Variants in FRYL observed in about 807,000 individuals in gnomAD.
FRYL encodes protein furry homolog-like.
FRYL carries 150 observed loss-of-function variants against 351.2 expected under a neutral mutation model. That is an observed-to-expected ratio of 0.43 (90% CI 0.37 to 0.49). The LOEUF is 0.49. Among genes scored for constraint, FRYL ranks in the 20% least tolerant of loss-of-function variants. FRYL has a pLI of 0.00. For synonymous variants in FRYL, 1,153 were observed against 1,257.1 expected (o/e 0.92, Z 1.75); for missense variants, 3,036 against 3,619.3 (o/e 0.84, Z 4.13).
At chr4:48,542,186 C>T (rs1730330341) in intron 44 of FRYL, 65 bp from the exon 45 acceptor site, 2 of 1,064,746 alleles carry the variant, frequency 1.9e-6, no homozygotes, top group South Asian at 2.6e-5. Flanking sequence ...AATGGACTTC[C>T]TAATGGGATT....
At chr4:48,759,978 G>A (rs1774232968) in intron 1 of FRYL, among the ~76,000 whole-genome samples, 1 of 152,182 alleles carries the variant, frequency 6.6e-6, no homozygotes. Context: ...CAAGCACTAT[G>A]TTATGTGCAT....
In FRYL at chr4:48,608,041, ATAT is replaced by A. The variant is rs540494989; in HGVS notation, c.572+943_572+945del. 1.3e-4 allele frequency among the ~76,000 whole-genome samples: 20 copies of A among 152,338 alleles called. No individual in the cohort carries two copies. The South Asian group carries it at 3.7e-3, about 28-fold the overall frequency. On this transcript the variant is annotated intron_variant, in intron 9 of 63. Transcript: ENST00000358350. ...ATTTAATTCCATGCGAGATATTAAG[ATAT>A]TATTGTTGATGTCTAAATCATTTAA...
chr4:48,671,882 A>AAAAAAAAAAAAAAAAC (rs1762812928), intron 3 of FRYL, among the ~76,000 whole-genome samples: 1 of 148,094 alleles, frequency 6.8e-6, no homozygotes, highest in African/African-American at 2.5e-5. Flanking sequence ...ACAAAAAAAA[A>AAAAAAAAAAAAAAAAC]AAAAAAAAAG....
At chr4:48,731,691 C>A (rs1770743852) in intron 1 of FRYL, among the ~76,000 whole-genome samples, 1 of 152,138 alleles carries the variant, frequency 6.6e-6, no homozygotes, top group Non-Finnish European at 1.5e-5. Context: ...GGAAAAGATT[C>A]CCTATTTAAT....
chr4:48,729,308 C>T (rs1770463891), intron 1 of FRYL, among the ~76,000 whole-genome samples: 1 of 152,234 alleles, frequency 6.6e-6, no homozygotes, highest in Admixed American at 6.5e-5. Context: ...TGGGGACAGG[C>T]CACGTCTGAA....
At chr4:48,757,927 T>C (rs1266950119) in intron 1 of FRYL, among the ~76,000 whole-genome samples, 2 of 152,072 alleles carry the variant, frequency 1.3e-5, no homozygotes, top group African/African-American at 2.4e-5. Context: ...TTAGAAATAA[T>C]ACCATGCATC....
chr4:48,516,721 C>T (rs191584814), intron 55 of FRYL, among the ~76,000 whole-genome samples: 7 of 152,168 alleles, frequency 4.6e-5, no homozygotes, highest in Non-Finnish European at 8.8e-5. Flanking sequence ...TAATTCCTAA[C>T]TGCAAATAGT....
chr4:48,756,864 C>T (rs187370353), intron 1 of FRYL, among the ~76,000 whole-genome samples: 6 of 152,286 alleles, frequency 3.9e-5, no homozygotes, highest in Non-Finnish European at 8.8e-5. Context: ...GGGAGGACTG[C>T]TCAAGCCCAG....
chr4:48,731,745 A>C lies in FRYL; in HGVS notation c.-383-21047T>G, dbSNP rs1770751326. ...TGGCTAGCCATATGCAGAAAACTGA[A>C]ACTGGGCCCCTTCCTTATACCTTAT... On this transcript the variant is annotated intron_variant, in intron 1 of 63. Transcript: ENST00000358350. 3.3e-5 allele frequency among the ~76,000 whole-genome samples: 5 copies of C among 152,306 alleles called. No homozygotes were observed. In the South Asian group the frequency reaches 1.0e-3, roughly 32 times the overall value.
intron 26 of FRYL, among the ~76,000 whole-genome samples, chr4:48,571,324 C>CA (rs1331560515): frequency 6.6e-6 from 1 of 152,110 alleles, no homozygotes; most frequent in African/African-American, 2.4e-5. Context: ...TTGCTCATGC[C>CA]ACAGTTTTCT....
chr4:48,664,957 T>C (rs1303174393), intron 3 of FRYL, among the ~76,000 whole-genome samples: 1 of 152,228 alleles, frequency 6.6e-6, no homozygotes, highest in Non-Finnish European at 1.5e-5. Context: ...TTTAGAAGTA[T>C]AAATCAAGTT....
At position 48,582,548 on chromosome 4, in the gene FRYL, T is replaced by C. The variant is rs201229868; in HGVS notation, c.1935A>G (p.Ile645Met). The C allele has an allele frequency of 6.7e-5, 108 of 1,614,122 alleles. 1 individual carries two copies. The East Asian group carries it at 2.3e-3, about 34-fold the overall frequency. ...DNAVKMLVQLINQWKQAAQMH... is the reference protein window; with the variant it reads ...DNAVKMLVQLMNQWKQAAQMH... The stretch of plus-strand genomic sequence containing the variant: ...TTTGGGCTGCTTGTTTCCACTGATT[T>C]ATTAATTGTACCAACATCTTTACGG... Residue 645 changes from isoleucine to methionine, a missense_variant, in exon 20 of 64, where the codon ATA becomes ATG. Transcript: ENST00000358350.
rs753875574 is a variant in FRYL, at chr4:48,595,690, A to G, written c.1148T>C (p.Met383Thr). The part of the protein sequence containing the change: ...ESNTVTQSRL[M>T]SIVSALFPKG... ...TGGAAAAAGTGCTGACACTATGCTCATAAGACGACTACAGGGAAAAAGATC... is the reference window on the plus strand; with the variant it reads ...TGGAAAAAGTGCTGACACTATGCTCGTAAGACGACTACAGGGAAAAAGATC... Residue 383 changes from methionine to threonine, a missense_variant, in exon 15 of 64, where the codon ATG (methionine) becomes ACG (threonine). Coordinates refer to ENST00000358350, the MANE Select transcript of FRYL (RefSeq NM_015030.2). 2.5e-6 allele frequency: 4 copies of G among 1,606,894 alleles called. No individual in the cohort carries two copies. Among genetic ancestry groups the G allele is most frequent in the East Asian group, 2.2e-5 (1 of 44,800 alleles).
In FRYL at chr4:48,575,177, C is replaced by T. The variant is rs759107596; in HGVS notation, c.2786G>A (p.Ser929Asn). The T allele has an allele frequency of 6.2e-7, 1 of 1,613,746 alleles. No homozygotes were observed. Among genetic ancestry groups the T allele is most frequent in the South Asian group, 1.1e-5 (1 of 91,074 alleles). The change falls in exon 25 of 64, where the codon AGC becomes AAC. Residue 929 changes from serine (S) to asparagine (N), a missense_variant. Around this residue, in one of 7 missense-constraint regions of FRYL, gnomAD observed 492 missense variants for 551.5 expected, o/e 0.89. Coordinates refer to ENST00000358350, the MANE Select transcript of FRYL (RefSeq NM_015030.2). ...KHIVPMMRSESMEITESLVLG... is the reference protein window; with the variant it reads ...KHIVPMMRSENMEITESLVLG... The stretch of plus-strand genomic sequence containing the variant: ...AACAAGGGATTCTGTGATTTCCATG[C>T]TCTCAGAACGCATCATTGGAACTAT...
chr4:48,551,604 C>T (rs752780840), intron 36 of FRYL, 26 bp from the exon 37 acceptor site: 18 of 1,414,156 alleles, frequency 1.3e-5, no homozygotes, highest in East Asian at 2.3e-5. Context: ...AAGCAGTACT[C>T]GTGAATCTAC....
rs202194857 is a variant in FRYL, at chr4:48,581,593, T to C, written c.1999A>G (p.Asn667Asp). The C allele has an allele frequency of 6.5e-4, 1,038 of 1,601,476 alleles. 2 individuals carry two copies. Among genetic ancestry groups the C allele is most frequent in the Non-Finnish European group, 7.7e-4 (911 of 1,175,766 alleles). The change falls in exon 21 of 64, where the codon AAT becomes GAT. Residue 667 changes from asparagine to aspartate, a missense_variant. By Grantham distance (23) the Asn-to-Asp change is conservative. Transcript: ENST00000358350. ...KNQDTQHGVA[N>D]GASHPPPLER... ...AGAGGAGGGGGATGAGAAGCTCCAT[T>C]AGCTACACCATGCTTGAAAAACAGA... is the stretch of plus-strand genomic sequence containing the variant.
chr4:48,502,741 T>G (rs1719986779), intron 61 of FRYL, 87 bp downstream of exon 61: 1 of 1,041,266 alleles, frequency 9.6e-7, no homozygotes, highest in Non-Finnish European at 1.5e-6. Flanking sequence ...GAGAAAACAT[T>G]GCTGGGTCAC....
chr4:48,699,545 T>C (rs1472189190), intron 2 of FRYL, among the ~76,000 whole-genome samples: 2 of 152,218 alleles, frequency 1.3e-5, no homozygotes, highest in Non-Finnish European at 2.9e-5. Context: ...TTTAAATCTT[T>C]AATCTAAAAT....
At chr4:48,682,318 C>G (rs1430788352) in intron 3 of FRYL, among the ~76,000 whole-genome samples, 1 of 151,866 alleles carries the variant, frequency 6.6e-6, no homozygotes, top group African/African-American at 2.4e-5. Flanking sequence ...GCATAAAAAC[C>G]CTAGAAGAAA....
Sources: gnomAD v4.1 joint callset for allele counts (sites outside exome capture counted in the v4.1 genomes callset) on GRCh38, gnomAD v4.1.1 for gene constraint, gnomAD v4.1.1 regional missense constraint, MANE v1.5 for transcripts, NCBI Gene and HGNC (gene_info 2026-07-23, HGNC 2026-07-21) for gene names.